CNTNAP2: variants seen among roughly 807,000 people sequenced by gnomAD.
CNTNAP2 encodes the protein contactin-associated protein-like 2.
In CNTNAP2, 98 loss-of-function variants were observed where a neutral mutation model predicts 155.2. The ratio of observed to expected loss-of-function variants is 0.63; its 90% CI spans 0.54 to 0.75. CNTNAP2 has a LOEUF of 0.75. Ranked by LOEUF, CNTNAP2 falls within the 30% of genes least tolerant of loss-of-function variation. CNTNAP2 has a pLI of 0.00. For synonymous variants in CNTNAP2, 651 were observed against 631.2 expected (o/e 1.03, Z -0.47); for missense variants, 1,727 against 1,688.1 (o/e 1.02, Z -0.40).
intron 16 of CNTNAP2, among the ~76,000 whole-genome samples, chr7:148,144,418 G>A (rs1373724682): frequency 6.6e-6 from 1 of 152,188 alleles, no homozygotes; most frequent in Non-Finnish European, 1.5e-5. Flanking sequence ...GCATTCCCCT[G>A]CAAGGGAAAG....
intron 1 of CNTNAP2, among the ~76,000 whole-genome samples, chr7:146,137,361 A>G (rs556058793): frequency 6.6e-6 from 1 of 152,228 alleles, no homozygotes; most frequent in South Asian, 2.1e-4. Context: ...TGAAATATCT[A>G]CTTATTTCAT....
intron 1 of CNTNAP2, among the ~76,000 whole-genome samples, chr7:146,210,013 A>G (rs980868594): frequency 6.6e-6 from 1 of 152,154 alleles, no homozygotes; most frequent in South Asian, 2.1e-4. Flanking sequence ...GTTCTGTCTC[A>G]AATATACCAT....
At chr7:146,618,728 TAACTGA>T (rs1276180840) in intron 1 of CNTNAP2, among the ~76,000 whole-genome samples, 2 of 152,116 alleles carry the variant, frequency 1.3e-5, no homozygotes, top group Non-Finnish European at 2.9e-5. Flanking sequence ...TAATGGAAAA[TAACTGA>T]AACCAAAGAA....
intron 11 of CNTNAP2, among the ~76,000 whole-genome samples, chr7:147,495,064 C>G (rs144930637): frequency 5.3e-5 from 8 of 152,142 alleles, no homozygotes; most frequent in African/African-American, 1.9e-4. Context: ...ATGAAGTAGA[C>G]AAGGTAGTTT....
At chr7:147,608,954 A>G (rs892409420) in intron 12 of CNTNAP2, among the ~76,000 whole-genome samples, 2 of 152,090 alleles carry the variant, frequency 1.3e-5, no homozygotes, top group Non-Finnish European at 2.9e-5. Context: ...CAGGAGAAGG[A>G]ATTTCACAAG....
chr7:146,275,668 T>C (rs1358800117), intron 1 of CNTNAP2, among the ~76,000 whole-genome samples: 1 of 152,194 alleles, frequency 6.6e-6, no homozygotes, highest in Non-Finnish European at 1.5e-5. Context: ...ATGCTACACG[T>C]TGGTTTACAT....
At chr7:147,183,232 T>C (rs1802501839) in intron 8 of CNTNAP2, among the ~76,000 whole-genome samples, 1 of 152,204 alleles carries the variant, frequency 6.6e-6, no homozygotes, top group African/African-American at 2.4e-5. Flanking sequence ...TTTTATTTTA[T>C]GTCAAAATTG....
At chr7:147,857,824 T>C (rs896721298) in intron 13 of CNTNAP2, among the ~76,000 whole-genome samples, 2 of 152,234 alleles carry the variant, frequency 1.3e-5, no homozygotes, top group African/African-American at 4.8e-5. Flanking sequence ...ACATCTCTAA[T>C]ACAAATTACA....
intron 18 of CNTNAP2, among the ~76,000 whole-genome samples, chr7:148,179,749 G>GGAGA (rs1164902709): frequency 6.6e-6 from 1 of 150,728 alleles, no homozygotes; most frequent in Non-Finnish European, 1.5e-5. Context: ...AAGGAAGGAA[G>GGAGA]GAGAGAGAGA....
At chr7:146,984,019 T>C (rs1563031929) in intron 3 of CNTNAP2, among the ~76,000 whole-genome samples, 1 of 152,184 alleles carries the variant, frequency 6.6e-6, no homozygotes, top group Non-Finnish European at 1.5e-5. Flanking sequence ...TCTTGCTTTC[T>C]TTGCAGACCT....
intron 15 of CNTNAP2, among the ~76,000 whole-genome samples, chr7:148,095,934 A>G (rs1163668140): frequency 6.6e-6 from 1 of 152,212 alleles, no homozygotes; most frequent in Non-Finnish European, 1.5e-5. Flanking sequence ...AAAGTTTCCC[A>G]TGTATTTTCT....
intron 3 of CNTNAP2, among the ~76,000 whole-genome samples, chr7:146,951,521 A>G (rs942758761): frequency 2.0e-5 from 3 of 152,140 alleles, no homozygotes; most frequent in Non-Finnish European, 2.9e-5. Context: ...ATGGCTAGCT[A>G]ATTTTCCCAA....
intron 1 of CNTNAP2, among the ~76,000 whole-genome samples, chr7:146,685,045 C>T (rs1800572033): frequency 2.0e-5 from 3 of 151,974 alleles, no homozygotes; most frequent in Admixed American, 1.3e-4. Flanking sequence ...TATTTTAGTC[C>T]TCATAAATAA....
chr7:146,953,180 A>G (rs1797357975), intron 3 of CNTNAP2, among the ~76,000 whole-genome samples: 1 of 152,018 alleles, frequency 6.6e-6, no homozygotes, highest in Admixed American at 6.6e-5. Context: ...CAGGTGATGG[A>G]GAAAAAGAGC....
chr7:146,770,275 G>A (rs1275583501), intron 1 of CNTNAP2, among the ~76,000 whole-genome samples: 4 of 147,718 alleles, frequency 2.7e-5, no homozygotes, highest in Non-Finnish European at 6.0e-5. Context: ...ATATACAAAT[G>A]GAATGTAGCG....
At chr7:147,861,008 T>A (rs1799125038) in intron 13 of CNTNAP2, among the ~76,000 whole-genome samples, 1 of 152,234 alleles carries the variant, frequency 6.6e-6, no homozygotes, top group African/African-American at 2.4e-5. Flanking sequence ...ATTACAGCTT[T>A]TTTTCACTAG....
chr7:148,267,080 C>A lies in CNTNAP2; in HGVS notation c.3429C>A (p.Asp1143Glu), dbSNP rs753610964. The part of the protein sequence containing the change: ...SVSYHLPSSS[D>E]TLFNSPKSLF... ...GTTACCATCTGCCAAGTTCATCCGA[C>A]ACCCTCTTCAATTCTCCCAAGTCGC... The change falls in exon 21 of 24, where the codon GAC becomes GAA. Residue 1143 changes from aspartate (D) to glutamate (E), a missense_variant. Physicochemically the swap from Asp to Glu is conservative, Grantham distance 45. Coordinates refer to ENST00000361727, the MANE Select transcript of CNTNAP2 (RefSeq NM_014141.6). 3 of 1,614,204 alleles carry A rather than the reference C, an allele frequency of 1.9e-6. No individual in the cohort carries two copies. The highest frequency in any genetic ancestry group is 2.2e-5 in the East Asian group (1 of 44,886).
At chr7:146,481,653 A>T (rs1269991158) in intron 1 of CNTNAP2, among the ~76,000 whole-genome samples, 1 of 152,174 alleles carries the variant, frequency 6.6e-6, no homozygotes, top group Admixed American at 6.5e-5. Flanking sequence ...ATACGGAATG[A>T]TTTTCACTGT....
chr7:147,182,125 CAAAAAA>C (rs10718876), intron 8 of CNTNAP2, among the ~76,000 whole-genome samples: 68 of 92,400 alleles, frequency 7.4e-4, no homozygotes, highest in Non-Finnish European at 1.1e-3. Flanking sequence ...GACTCCATCT[CAAAAAA>C]AAAAAAAAAA....
Sources: allele counts gnomAD v4.1 joint callset (sites outside exome capture counted in the v4.1 genomes callset), GRCh38; gene constraint gnomAD v4.1.1; transcripts MANE v1.5; gene names NCBI Gene and HGNC (gene_info 2026-07-23, HGNC 2026-07-21).